The following TENM1 variants were observed in gnomAD, a reference collection of about 807,000 sequenced individuals.
TENM1 encodes teneurin transmembrane protein 1.
In TENM1, 35 loss-of-function variants were observed where a neutral mutation model predicts 174.8. The ratio of observed to expected loss-of-function variants is 0.20; its 90% CI spans 0.15 to 0.27. TENM1 has a LOEUF of 0.27. Among genes scored for constraint, TENM1 ranks in the 10% least tolerant of loss-of-function variants. The pLI is 1.00. For synonymous variants in TENM1, 781 were observed against 798.7 expected (o/e 0.98, Z 0.37); for missense variants, 1,633 against 2,130.1 (o/e 0.77, Z 4.59).
chrX:124,448,007 T>C (rs1569532168), intron 23 of TENM1, among the ~76,000 whole-genome samples: 2 of 111,620 alleles, frequency 1.8e-5, no homozygotes, highest in African/African-American at 6.5e-5. Flanking sequence ...TACCCCAAAC[T>C]GAACCCATCA....
At chrX:125,116,570 A>T in the TENM1 span, among the ~76,000 whole-genome samples, 1 of 112,580 alleles carries the variant, frequency 8.9e-6, no homozygotes, top group African/African-American at 3.2e-5. Flanking sequence ...AAAAGTGGGC[A>T]AAGGATATGA....
the TENM1 span, among the ~76,000 whole-genome samples, chrX:124,976,064 A>G: frequency 1.1e-3 from 127 of 111,454 alleles, no homozygotes; most frequent in Non-Finnish European, 1.7e-3. Flanking sequence ...AACTTCTGGT[A>G]TAGGTTAAAG....
intron 1 of TENM1, among the ~76,000 whole-genome samples, chrX:124,929,457 C>T (rs1485510923): frequency 3.6e-5 from 4 of 112,006 alleles, no homozygotes; most frequent in African/African-American, 1.3e-4. Context: ...CCTATACACA[C>T]TGTCAGTTCT....
In TENM1 at chrX:124,795,256, A is replaced by G. The variant is rs181819852; in HGVS notation, c.536-58059T>C. Among the ~76,000 whole-genome samples, 26 of 112,091 alleles carry G rather than the reference A, an allele frequency of 2.3e-4. No homozygotes were observed. The East Asian group carries it at 7.0e-3, about 30-fold the overall frequency. ...ATACTTGAAGCCTAGTAGTTTCAAT[A>G]CTTCAAGCCTAGCATGTTGTAGGTG... On this transcript the variant is annotated intron_variant, in intron 3 of 31. Coordinates refer to ENST00000422452, the Ensembl canonical transcript of TENM1.
At chrX:124,756,819 G>C (rs1049500647) in intron 3 of TENM1, among the ~76,000 whole-genome samples, 2 of 111,880 alleles carry the variant, frequency 1.8e-5, no homozygotes, top group African/African-American at 6.5e-5. Context: ...TACGTGAACC[G>C]CGAATGCTGC....
At chrX:124,804,905 A>C (rs894858633) in intron 3 of TENM1, among the ~76,000 whole-genome samples, 1 of 111,928 alleles carries the variant, frequency 8.9e-6, no homozygotes, top group Non-Finnish European at 1.9e-5. Flanking sequence ...AAAGATGTTT[A>C]TAATATAGTT....
At chrX:125,125,154 C>T in the TENM1 span, among the ~76,000 whole-genome samples, 3 of 111,956 alleles carry the variant, frequency 2.7e-5, no homozygotes, top group Non-Finnish European at 5.6e-5. Context: ...CATCAACTCA[C>T]ATCTAGAGAA....
At chrX:124,751,605 A>G (rs2054070910) in intron 3 of TENM1, among the ~76,000 whole-genome samples, 1 of 106,989 alleles carries the variant, frequency 9.3e-6, no homozygotes, top group Non-Finnish European at 1.9e-5. Context: ...CTCGTCATTT[A>G]GCATTAGGTT....
At chrX:124,827,634 A>C in intron 3 of TENM1, among the ~76,000 whole-genome samples, 1 of 110,137 alleles carries the variant, frequency 9.1e-6, no homozygotes, top group Middle Eastern at 4.7e-3. Flanking sequence ...TCACATTATT[A>C]TTTTTTTTTA....
intron 1 of TENM1, among the ~76,000 whole-genome samples, chrX:124,949,600 T>A (rs2058451965): frequency 9.0e-6 from 1 of 111,384 alleles, no homozygotes; most frequent in Non-Finnish European, 1.9e-5. Context: ...AGGTAGAGAC[T>A]CTAATGGAGA....
intron 6 of TENM1, among the ~76,000 whole-genome samples, chrX:124,657,009 C>T (rs1337441565): frequency 9.0e-6 from 1 of 110,751 alleles, no homozygotes; most frequent in Admixed American, 9.6e-5. Context: ...TAAATGGGAT[C>T]TATTTGGCCA....
chrX:124,438,236 A>C (rs970483256), intron 23 of TENM1, among the ~76,000 whole-genome samples: 1 of 111,505 alleles, frequency 9.0e-6, no homozygotes, highest in African/African-American at 3.3e-5. Context: ...CCTCTGACTG[A>C]ATCTTGACTA....
At chrX:125,019,290 G>A in the TENM1 span, among the ~76,000 whole-genome samples, 10 of 111,119 alleles carry the variant, frequency 9.0e-5, no homozygotes, top group Admixed American at 1.9e-4. Context: ...CAGCAGCAAT[G>A]TTATTTACAA....
the TENM1 span, among the ~76,000 whole-genome samples, chrX:125,146,927 TAAC>T: frequency 9.0e-6 from 1 of 111,115 alleles, no homozygotes; most frequent in Non-Finnish European, 1.9e-5. Flanking sequence ...GCTTTTTACT[TAAC>T]AGAGATTCAT....
At chrX:124,826,177 A>C (rs2056155710) in intron 3 of TENM1, among the ~76,000 whole-genome samples, 1 of 111,136 alleles carries the variant, frequency 9.0e-6, no homozygotes, top group African/African-American at 3.3e-5. Flanking sequence ...TGGGAGGCCT[A>C]GGTGGGCAGA....
chrX:124,594,568 AATAG>A (rs1488886247), intron 11 of TENM1, among the ~76,000 whole-genome samples: 1 of 111,886 alleles, frequency 8.9e-6, no homozygotes, highest in Non-Finnish European at 1.9e-5. Flanking sequence ...GATTTTTTTA[AATAG>A]ATAGATTTTA....
At chrX:124,562,254 T>C (rs115974901) in intron 13 of TENM1, among the ~76,000 whole-genome samples, 1,247 of 111,941 alleles carry the variant, frequency 0.011, 13 homozygotes, top group African/African-American at 0.038. Flanking sequence ...TGATTTTCCC[T>C]TATGATGTAT....
At chrX:124,881,804 T>C (rs1603259658) in intron 3 of TENM1, among the ~76,000 whole-genome samples, 1 of 109,950 alleles carries the variant, frequency 9.1e-6, no homozygotes, top group Non-Finnish European at 1.9e-5. Context: ...TCTTGGCTCA[T>C]TGCAACCTCT....
At chrX:124,904,395 C>T (rs1054800680) in intron 1 of TENM1, among the ~76,000 whole-genome samples, 8 of 111,732 alleles carry the variant, frequency 7.2e-5, no homozygotes, top group South Asian at 3.7e-4. Context: ...AAGAGTGACC[C>T]TAAACACCAA....
Sources: gnomAD v4.1 joint callset for allele counts (sites outside exome capture counted in the v4.1 genomes callset) on GRCh38, gnomAD v4.1.1 for gene constraint, MANE v1.5 for transcripts, NCBI Gene and HGNC (gene_info 2026-07-23, HGNC 2026-07-21) for gene names.